The following SMOC1 variants were observed in gnomAD, a reference collection of about 807,000 sequenced individuals.
SMOC1 encodes the protein SPARC related modular calcium binding 1.
In SMOC1, 22 loss-of-function variants were observed where a neutral mutation model predicts 56.3. The ratio of observed to expected loss-of-function variants is 0.39; its 90% CI spans 0.28 to 0.56. SMOC1 has a LOEUF of 0.56. Among genes scored for constraint, SMOC1 ranks in the 20% least tolerant of loss-of-function variants. The pLI, the probability that SMOC1 is intolerant of heterozygous loss-of-function variation, is 0.61. For missense variants in SMOC1, 509 were observed against 565.4 expected, an observed-to-expected ratio of 0.90 and a Z score of 1.01; for synonymous variants, 193 against 215.0, an observed-to-expected ratio of 0.90 and a Z score of 0.89.
In SMOC1 at chr14:69,992,416, G is replaced by T; in HGVS notation, c.527-1G>T. On this transcript the variant is annotated splice_acceptor_variant, in intron 5 of 11. Coordinates refer to ENST00000361956, the MANE Select transcript of SMOC1 (RefSeq NM_001034852.3). LOFTEE classifies it high-confidence loss of function. ...TCGATTCTTTTTAACCCTCAATTCA[G>T]ATGACGGGTCTAAGCCGACACCCAC... is the stretch of plus-strand genomic sequence containing the variant. The T allele has an allele frequency of 1.9e-6, 3 of 1,614,008 alleles. No individual in the cohort carries two copies. The South Asian group carries it at 3.3e-5, about 18-fold the overall frequency.
At chr14:69,990,304 A>G (rs1175185812) in intron 5 of SMOC1, among the ~76,000 whole-genome samples, 1 of 152,256 alleles carries the variant, frequency 6.6e-6, no homozygotes, top group Non-Finnish European at 1.5e-5. Context: ...TCCAGAGAAG[A>G]GATACAGTTC....
At chr14:69,889,262 T>G (rs1883895797) in intron 1 of SMOC1, among the ~76,000 whole-genome samples, 1 of 152,208 alleles carries the variant, frequency 6.6e-6, no homozygotes, top group Admixed American at 6.5e-5. Flanking sequence ...TCCTGATCTC[T>G]CCTTCCTTCC....
chr14:69,917,348 C>A (rs1884712371), intron 1 of SMOC1, among the ~76,000 whole-genome samples: 1 of 152,202 alleles, frequency 6.6e-6, no homozygotes, highest in African/African-American at 2.4e-5. Flanking sequence ...TGTGCCTGAG[C>A]CCTGCCCAGC....
intron 1 of SMOC1, among the ~76,000 whole-genome samples, chr14:69,912,806 C>T (rs1884588251): frequency 6.6e-6 from 1 of 152,270 alleles, no homozygotes; most frequent in Admixed American, 6.5e-5. Context: ...TTTCACCCTC[C>T]TGGTTGCGTC....
At chr14:69,931,915 G>A (rs184127876) in intron 1 of SMOC1, among the ~76,000 whole-genome samples, 3 of 152,294 alleles carry the variant, frequency 2.0e-5, no homozygotes, top group East Asian at 1.9e-4. Flanking sequence ...CTCCTGTGAC[G>A]CAGCTTGAGT....
chr14:70,003,955 C>A (rs766848839), intron 7 of SMOC1, among the ~76,000 whole-genome samples: 13 of 152,138 alleles, frequency 8.5e-5, no homozygotes, highest in Non-Finnish European at 1.8e-4. Context: ...TACAAGGTCC[C>A]AGTCCTTTTT....
chr14:69,884,914 G>C (rs967034592), intron 1 of SMOC1, among the ~76,000 whole-genome samples: 36 of 152,078 alleles, frequency 2.4e-4, no homozygotes, highest in African/African-American at 8.7e-4. Flanking sequence ...TGGCTATTCA[G>C]GGTCTTTTGT....
chr14:69,932,487 A>T (rs1291825423), intron 1 of SMOC1, among the ~76,000 whole-genome samples: 1 of 152,216 alleles, frequency 6.6e-6, no homozygotes, highest in Admixed American at 6.5e-5. Context: ...CCACAAAGGC[A>T]TCAGGAGGAA....
intron 10 of SMOC1, among the ~76,000 whole-genome samples, chr14:70,015,201 G>C (rs1167772327): frequency 6.6e-6 from 1 of 151,650 alleles, no homozygotes. Context: ...AAGCACAAAT[G>C]CTGCATGATT....
chr14:69,926,561 G>A (rs1885017047), intron 1 of SMOC1, among the ~76,000 whole-genome samples: 1 of 152,170 alleles, frequency 6.6e-6, no homozygotes, highest in African/African-American at 2.4e-5. Flanking sequence ...AGGTCCTAGG[G>A]GCTCTGCAGA....
At chr14:70,019,010 C>T (rs1485205200) in intron 10 of SMOC1, among the ~76,000 whole-genome samples, 3 of 152,210 alleles carry the variant, frequency 2.0e-5, no homozygotes, top group Admixed American at 6.5e-5. Flanking sequence ...GAACTGGGCC[C>T]GAGATCTTGG....
intron 1 of SMOC1, among the ~76,000 whole-genome samples, chr14:69,909,703 A>G (rs1290071890): frequency 6.6e-6 from 1 of 152,216 alleles, no homozygotes; most frequent in African/African-American, 2.4e-5. Flanking sequence ...GCTTCCAGAA[A>G]ATGTCAGGGT....
intron 7 of SMOC1, among the ~76,000 whole-genome samples, chr14:69,997,463 A>G (rs1336377196): frequency 6.6e-6 from 1 of 152,222 alleles, no homozygotes; most frequent in Non-Finnish European, 1.5e-5. Context: ...TTCCAATGCT[A>G]GCTTCCTACT....
At chr14:69,942,087 T>C (rs1190769819) in intron 1 of SMOC1, among the ~76,000 whole-genome samples, 1 of 152,180 alleles carries the variant, frequency 6.6e-6, no homozygotes. Flanking sequence ...CCATCTCACA[T>C]CTTGGATTGT....
chr14:69,941,456 A>G (rs1334024832), intron 1 of SMOC1, among the ~76,000 whole-genome samples: 1 of 152,054 alleles, frequency 6.6e-6, no homozygotes, highest in African/African-American at 2.4e-5. Flanking sequence ...GGCCACACTT[A>G]TTACCCAGGA....
rs1883662362 is a variant in SMOC1, at chr14:69,882,250, C to T, written c.99+2473C>T. Among the ~76,000 whole-genome samples the T allele has an allele frequency of 3.3e-5, 5 of 152,186 alleles. No homozygotes were observed. The South Asian group carries it at 1.0e-3, about 31-fold the overall frequency. ...AACATCTGGCTTGTTGCATTATTCC[C>T]TGTGGGCGCTCCTAAGTCTCTTCTG... On this transcript the variant is annotated intron_variant, in intron 1 of 11. Coordinates refer to ENST00000361956, the MANE Select transcript of SMOC1 (RefSeq NM_001034852.3).
At chr14:69,885,858 G>A in intron 1 of SMOC1, 10 of 1,600,514 alleles carry the variant, frequency 6.2e-6, no homozygotes, top group Non-Finnish European at 8.5e-6. Context: ...AGCTTAAGCA[G>A]CTGAGTAGCT....
At chr14:69,898,675 A>G (rs530205109) in intron 1 of SMOC1, among the ~76,000 whole-genome samples, 2 of 151,964 alleles carry the variant, frequency 1.3e-5, no homozygotes, top group South Asian at 2.1e-4. Context: ...TATATTACCT[A>G]TCTGTTCTTG....
At chr14:69,918,222 A>G (rs1022564700) in intron 1 of SMOC1, among the ~76,000 whole-genome samples, 12 of 141,866 alleles carry the variant, frequency 8.5e-5, no homozygotes, top group Admixed American at 5.6e-4. Flanking sequence ...AACTTACCCT[A>G]TATATATATA....
Sources: allele counts gnomAD v4.1 joint callset (sites outside exome capture counted in the v4.1 genomes callset), GRCh38; gene constraint gnomAD v4.1.1; transcripts MANE v1.5; gene names NCBI Gene and HGNC (gene_info 2026-07-23, HGNC 2026-07-21).